SESTD1: variants seen among roughly 807,000 people sequenced by gnomAD.
SESTD1 encodes the protein SEC14 domain and spectrin repeat-containing protein 1.
A neutral mutation model predicts 101.7 loss-of-function variants in SESTD1; 43 were observed. The ratio of observed to expected loss-of-function variants is 0.42; its 90% CI spans 0.33 to 0.55. The LOEUF is 0.55. SESTD1 is among the 20% of genes least tolerant of loss of function. SESTD1 has a pLI of 0.07. For synonymous variants in SESTD1, 283 were observed against 286.8 expected (o/e 0.99, Z 0.13); for missense variants, 647 against 815.1 (o/e 0.79, Z 2.51).
chr2:179,263,228 C>G lies in SESTD1; in HGVS notation c.-26+1271G>C, dbSNP rs190125174. Among the ~76,000 whole-genome samples the G allele has an allele frequency of 7.2e-3, 1,093 of 152,172 alleles. 6 individuals are homozygous for G. The highest frequency in any genetic ancestry group is 0.011 in the Non-Finnish European group (766 of 68,020). On this transcript the variant is annotated intron_variant, in intron 1 of 17. Coordinates refer to ENST00000428443, the MANE Select transcript of SESTD1 (RefSeq NM_178123.5). ...TATTACGTATAAAAGCTTCCTGGTC[C>G]TAGAACAAAGACGTATTTTACTGCT... is the stretch of plus-strand genomic sequence containing the variant.
intron 5 of SESTD1, among the ~76,000 whole-genome samples, chr2:179,156,209 C>T (rs2105456369): frequency 6.6e-6 from 1 of 151,892 alleles, no homozygotes; most frequent in Admixed American, 6.6e-5. Context: ...ATATATACAT[C>T]ACAGTTTCTT....
intron 17 of SESTD1, among the ~76,000 whole-genome samples, chr2:179,111,877 G>A (rs1464328270): frequency 6.6e-6 from 1 of 151,848 alleles, no homozygotes; most frequent in Non-Finnish European, 1.5e-5. Flanking sequence ...CCGCCACCAC[G>A]CCCAGCTAAT....
At chr2:179,148,996 C>CTTGCAGTAAGCCGAGATAGCGCCA in intron 7 of SESTD1, among the ~76,000 whole-genome samples, 1 of 132,014 alleles carries the variant, frequency 7.6e-6, no homozygotes, top group South Asian at 2.4e-4. Context: ...GGAGGCGGAG[C>CTTGCAGTAAGCCGAGATAGCGCCA]TTGCAGTAAG....
At chr2:179,217,098 A>G (rs1157254716) in intron 1 of SESTD1, among the ~76,000 whole-genome samples, 3 of 152,308 alleles carry the variant, frequency 2.0e-5, no homozygotes, top group East Asian at 1.9e-4. Context: ...CTAAAACACC[A>G]AAAGCAATGG....
intron 15 of SESTD1, 55 bp downstream of exon 15, chr2:179,116,613 C>G: frequency 6.2e-7 from 1 of 1,612,914 alleles, no homozygotes; most frequent in South Asian, 1.1e-5. Context: ...TATAATCATG[C>G]AGAAAGCTAT....
At chr2:179,196,674 G>T (rs1304230313) in intron 1 of SESTD1, among the ~76,000 whole-genome samples, 1 of 150,898 alleles carries the variant, frequency 6.6e-6, no homozygotes, top group East Asian at 1.9e-4. Flanking sequence ...AGCCTAACTG[G>T]GAGGCACCCC....
intron 5 of SESTD1, among the ~76,000 whole-genome samples, chr2:179,160,994 C>T (rs951921111): frequency 2.0e-5 from 3 of 151,860 alleles, no homozygotes; most frequent in Admixed American, 6.6e-5. Context: ...GGCCACTGCA[C>T]CTTGACTCTT....
rs1199936019 is a variant in SESTD1, at chr2:179,206,469, G to A, written c.-25-14603C>T. On this transcript the variant is annotated intron_variant, in intron 1 of 17. Coordinates refer to ENST00000428443, the MANE Select transcript of SESTD1 (RefSeq NM_178123.5). Reference sequence around the variant, plus strand: ...TAGGGAGCTGTGTGAAATATAAAAGGAGAAGCAGCAGCTGGAAGAGCCCTG... The same window carrying A: ...TAGGGAGCTGTGTGAAATATAAAAGAAGAAGCAGCAGCTGGAAGAGCCCTG... Among the ~76,000 whole-genome samples, 3 of 135,766 alleles carry A rather than the reference G, an allele frequency of 2.2e-5. 1 individual carries two copies. The highest frequency in any genetic ancestry group is 4.8e-5 in the Non-Finnish European group (3 of 62,994). The allele number at this position is 135,766 out of a possible 152,430, so 89.1% of individuals were successfully genotyped here. A position where few individuals can be genotyped will look rare whatever the true frequency, so the allele number is the denominator to read the frequency against.
At chr2:179,133,933 A>G (rs186064004) in intron 9 of SESTD1, among the ~76,000 whole-genome samples, 1,511 of 149,268 alleles carry the variant, frequency 0.01, 9 homozygotes, top group Non-Finnish European at 0.016. Flanking sequence ...AAATAACAAT[A>G]CAACAATTTA....
intron 4 of SESTD1, among the ~76,000 whole-genome samples, chr2:179,175,027 T>C (rs757004984): frequency 6.0e-5 from 9 of 150,908 alleles, no homozygotes; most frequent in Non-Finnish European, 1.2e-4. Flanking sequence ...AGGCAATGGG[T>C]AGAAAATTCA....
At chr2:179,194,868 T>C (rs569423000) in intron 1 of SESTD1, among the ~76,000 whole-genome samples, 3 of 152,314 alleles carry the variant, frequency 2.0e-5, no homozygotes, top group East Asian at 3.9e-4. Flanking sequence ...CTCACTGTCA[T>C]AGCTGTTTAT....
chr2:179,232,793 T>A (rs1354243061), intron 1 of SESTD1, among the ~76,000 whole-genome samples: 1 of 152,142 alleles, frequency 6.6e-6, no homozygotes, highest in Non-Finnish European at 1.5e-5. Context: ...CTACTTTTTG[T>A]ATAGGAAAGA....
intron 9 of SESTD1, among the ~76,000 whole-genome samples, chr2:179,138,408 G>A (rs2045203279): frequency 6.6e-6 from 1 of 152,064 alleles, no homozygotes; most frequent in Admixed American, 6.6e-5. Context: ...TACATAAAAA[G>A]CCAGAAAGGT....
intron 1 of SESTD1, among the ~76,000 whole-genome samples, chr2:179,239,147 C>T (rs928440738): frequency 3.3e-5 from 5 of 152,078 alleles, no homozygotes; most frequent in Non-Finnish European, 7.4e-5. Context: ...ATTAATTCAA[C>T]AAAAGTCTAC....
At chr2:179,221,780 T>C (rs1336090120) in intron 1 of SESTD1, among the ~76,000 whole-genome samples, 1 of 151,690 alleles carries the variant, frequency 6.6e-6, no homozygotes, top group Admixed American at 6.6e-5. Flanking sequence ...TAGCCAGGCA[T>C]GGTGGTATGC....
At chr2:179,110,998 C>T (rs759637498) in intron 17 of SESTD1, among the ~76,000 whole-genome samples, 1 of 152,048 alleles carries the variant, frequency 6.6e-6, no homozygotes, top group African/African-American at 2.4e-5. Flanking sequence ...GAAACACAGA[C>T]GAGAAGCTGA....
intron 5 of SESTD1, among the ~76,000 whole-genome samples, chr2:179,164,866 A>G (rs1327084231): frequency 6.6e-6 from 1 of 152,228 alleles, no homozygotes; most frequent in Non-Finnish European, 1.5e-5. Context: ...TTTGTTGCAG[A>G]TAATTTAATT....
intron 1 of SESTD1, among the ~76,000 whole-genome samples, chr2:179,246,027 C>T (rs567654356): frequency 1.4e-4 from 21 of 152,166 alleles, no homozygotes; most frequent in South Asian, 1.0e-3. Context: ...GTGGCCAAGG[C>T]GGGCGGACCA....
intron 7 of SESTD1, among the ~76,000 whole-genome samples, chr2:179,148,734 A>G (rs576109788): frequency 6.6e-6 from 1 of 152,334 alleles, no homozygotes; most frequent in East Asian, 1.9e-4. Context: ...AACATTTTAC[A>G]TAGTGTCAGA....
Sources: allele counts gnomAD v4.1 joint callset (sites outside exome capture counted in the v4.1 genomes callset), GRCh38; gene constraint gnomAD v4.1.1; transcripts MANE v1.5; gene names NCBI Gene and HGNC (gene_info 2026-07-23, HGNC 2026-07-21).